GPR63: variants seen among roughly 807,000 people sequenced by gnomAD.
GPR63 encodes the protein probable G protein-coupled receptor 63.
Under a neutral mutation model 23.1 loss-of-function variants are expected in GPR63, and 12 were observed. The observed-to-expected ratio is 0.52, with a 90% CI of 0.33 to 0.84. GPR63 has a LOEUF of 0.84. Among genes scored for constraint, GPR63 ranks in the 40% least tolerant of loss-of-function variants. The pLI is 0.02. For missense variants in GPR63, 472 were observed against 515.6 expected (o/e 0.92, Z 0.82); for synonymous variants, 172 against 191.1 (o/e 0.90, Z 0.82).
chr6:96,809,759 C>A (rs1773992864), intron 1 of GPR63, among the ~76,000 whole-genome samples: 1 of 152,152 alleles, frequency 6.6e-6, no homozygotes, highest in Admixed American at 6.5e-5. Context: ...GAAAAAATAT[C>A]TGGGTAATAG....
rs750669940 is a variant in GPR63 at position 96,799,834 on chromosome 6, T to C, written c.-103A>G. On this transcript the variant is annotated 5_prime_UTR_variant, in exon 2 of 2. An upstream start codon of the reference 5' UTR is lost. Coordinates refer to ENST00000229955, the MANE Select transcript of GPR63 (RefSeq NM_030784.4). The stretch of plus-strand genomic sequence containing the variant: ...TCCCATTGATGGGCTTGGAAATACA[T>C]TCTGGAAAATGGACAATGAGTTCCA... 2 of 1,171,328 alleles carry C rather than the reference T, an allele frequency of 1.7e-6. No homozygotes were observed. The highest frequency in any genetic ancestry group is 1.3e-6 in the Non-Finnish European group (1 of 790,874). The allele number at this position is 1,171,328 out of a possible 1,614,324, so 72.6% of individuals were successfully genotyped here. A position where few individuals can be genotyped will look rare whatever the true frequency, so the allele number is the denominator to read the frequency against.
chr6:96,810,961 T>C (rs1774027451), intron 1 of GPR63, among the ~76,000 whole-genome samples: 1 of 152,222 alleles, frequency 6.6e-6, no homozygotes. Context: ...GTAACATATC[T>C]GACCTAACAC....
chr6:96,805,951 C>A (rs944620946), intron 1 of GPR63, among the ~76,000 whole-genome samples: 1 of 152,168 alleles, frequency 6.6e-6, no homozygotes, highest in African/African-American at 2.4e-5. Flanking sequence ...CAACATATTT[C>A]CTGGCATCTG....
rs765716632 is a variant in GPR63, at chr6:96,798,723, C to A, written c.1009G>T (p.Ala337Ser). 2 of 1,614,120 alleles carry A rather than the reference C, an allele frequency of 1.2e-6. No individual in the cohort carries two copies. The highest frequency in any genetic ancestry group is 8.5e-7 in the Non-Finnish European group (1 of 1,180,020). The change falls in exon 2 of 2, where the codon GCA becomes TCA. Residue 337 changes from alanine (A) to serine (S), a missense_variant. Transcript: ENST00000229955. ...TAGTAAAAGTGCTTACTGAATGTTG[C>A]CACAAGGCTGTAAGTGGTGAATGGG... ...WAPFTTYSLV[A>S]TFSKHFYYQH... is the part of the protein sequence containing the mutation.
At chr6:96,816,572 G>A (rs1166585920) in intron 1 of GPR63, among the ~76,000 whole-genome samples, 2 of 152,166 alleles carry the variant, frequency 1.3e-5, no homozygotes, top group Admixed American at 6.5e-5. Context: ...GAGAAATGAA[G>A]TATAGAAAAG....
chr6:96,832,773 C>A (rs1290205822), intron 1 of GPR63, among the ~76,000 whole-genome samples: 1 of 149,586 alleles, frequency 6.7e-6, no homozygotes, highest in African/African-American at 2.5e-5. Flanking sequence ...TGCACTTATA[C>A]CCCTGAACTT....
intron 1 of GPR63, among the ~76,000 whole-genome samples, chr6:96,833,106 G>A (rs1166479569): frequency 6.6e-6 from 1 of 152,188 alleles, no homozygotes; most frequent in East Asian, 1.9e-4. Context: ...TCAAAATGGA[G>A]TAGGAAGACT....
In GPR63 at chr6:96,798,200, C is replaced by CA; in HGVS notation, c.*271dup. 1 of 351,232 alleles carries CA rather than the reference C, an allele frequency of 2.8e-6. No individual in the cohort carries two copies. Among genetic ancestry groups the CA allele is most frequent in the Non-Finnish European group, 5.1e-6 (1 of 194,858 alleles). The allele number at this position is 351,232 out of a possible 1,614,324, so 21.8% of individuals were successfully genotyped here. On this transcript the variant is annotated 3_prime_UTR_variant, in exon 2 of 2. Coordinates refer to ENST00000229955, the MANE Select transcript of GPR63 (RefSeq NM_030784.4). Reference sequence around the variant, plus strand: ...ACAATCCTGATTCCCACTATGAAAACAAAATCAATCAAGGAAAAACCCCAA... The same window carrying CA: ...ACAATCCTGATTCCCACTATGAAAACAAAAATCAATCAAGGAAAAACCCCAA...
At chr6:96,814,780 G>A (rs1252861424) in intron 1 of GPR63, among the ~76,000 whole-genome samples, 1 of 151,992 alleles carries the variant, frequency 6.6e-6, no homozygotes, top group African/African-American at 2.4e-5. Context: ...ACCATTCCCT[G>A]AGGGCCTGAG....
intron 1 of GPR63, among the ~76,000 whole-genome samples, chr6:96,807,465 CTTTG>C (rs1054936100): frequency 1.3e-5 from 2 of 152,176 alleles, no homozygotes; most frequent in African/African-American, 2.4e-5. Context: ...TGATTGGTGA[CTTTG>C]TTTTTCTTAG....
intron 1 of GPR63, among the ~76,000 whole-genome samples, chr6:96,807,142 A>G (rs1773915147): frequency 6.6e-6 from 1 of 152,256 alleles, no homozygotes; most frequent in South Asian, 2.1e-4. Flanking sequence ...CCAAATAGCA[A>G]CTTTCAAAAG....
intron 1 of GPR63, among the ~76,000 whole-genome samples, chr6:96,820,623 C>T (rs1470664653): frequency 2.6e-5 from 4 of 151,914 alleles, no homozygotes; most frequent in Non-Finnish European, 5.9e-5. Flanking sequence ...GCAAAATGAG[C>T]CAAAAAAGCA....
intron 1 of GPR63, among the ~76,000 whole-genome samples, chr6:96,824,586 G>A (rs1352192567): frequency 1.7e-5 from 2 of 119,048 alleles, no homozygotes; most frequent in African/African-American, 6.5e-5. Context: ...CCAAAAATAC[G>A]CCTTAGCAAA....
chr6:96,824,492 T>C (rs1774388706), intron 1 of GPR63, among the ~76,000 whole-genome samples: 1 of 151,234 alleles, frequency 6.6e-6, no homozygotes, highest in Non-Finnish European at 1.5e-5. Context: ...AAAGGACTAC[T>C]CCAAGTAAAA....
intron 1 of GPR63, among the ~76,000 whole-genome samples, chr6:96,814,268 T>C (rs1213893033): frequency 2.0e-5 from 3 of 152,030 alleles, no homozygotes; most frequent in Admixed American, 6.6e-5. Context: ...TGGTAAACAG[T>C]AGAGCGAGGA....
rs751802234 is a variant in GPR63, at chr6:96,798,876, T to A, written c.856A>T (p.Ser286Cys). Residue 286 changes from serine (S) to cysteine (C), a missense_variant, in exon 2 of 2, where the codon AGC (serine) becomes TGC (cysteine). Transcript: ENST00000229955. ...IHSYPEGICL[S>C]QASKLGLMSL... ...ATGAGACCCAGTTTGCTGGCCTGGC[T>A]GAGGCATATACCTTCAGGGTAGCTA... 1 of 1,614,094 alleles carries A rather than the reference T, an allele frequency of 6.2e-7. No individual in the cohort carries two copies. The highest frequency in any genetic ancestry group is 8.5e-7 in the Non-Finnish European group (1 of 1,180,052).
rs979246778 is a variant in GPR63 at position 96,794,209 on chromosome 6, G to A, written c.*4263C>T. 4 of 151,498 alleles carry A rather than the reference G, an allele frequency of 2.6e-5. No homozygotes were observed. Among genetic ancestry groups the A allele is most frequent in the South Asian group, 2.1e-4 (1 of 4,806 alleles). The allele number at this position is 151,498 out of a possible 1,614,324, so 9.4% of individuals were successfully genotyped here. On this transcript the variant is annotated 3_prime_UTR_variant, in exon 2 of 2. Transcript: ENST00000229955. Reference sequence around the variant, plus strand: ...ATATGCACAAATAACCATATTTTTCGATATTTAAATATTAGAACCCATAAT... The same window carrying A: ...ATATGCACAAATAACCATATTTTTCAATATTTAAATATTAGAACCCATAAT...
At chr6:96,821,701 T>G (rs1482914484) in intron 1 of GPR63, among the ~76,000 whole-genome samples, 1 of 152,158 alleles carries the variant, frequency 6.6e-6, no homozygotes, top group Non-Finnish European at 1.5e-5. Context: ...GCCAAGTCAA[T>G]TCAACAAATA....
intron 1 of GPR63, among the ~76,000 whole-genome samples, chr6:96,802,203 C>T (rs933625839): frequency 1.1e-4 from 17 of 152,102 alleles, no homozygotes; most frequent in African/African-American, 4.1e-4. Flanking sequence ...CAAAGTAAAA[C>T]CATAATTTAA....
Sources: allele counts gnomAD v4.1 joint callset (sites outside exome capture counted in the v4.1 genomes callset), GRCh38; gene constraint gnomAD v4.1.1; transcripts MANE v1.5; gene names NCBI Gene and HGNC (gene_info 2026-07-23, HGNC 2026-07-21).